The following ALDH1L1 variants were observed in gnomAD, a reference collection of about 807,000 sequenced individuals.
ALDH1L1 encodes the protein aldehyde dehydrogenase 1 family member L1, also known as cytosolic 10-formyltetrahydrofolate dehydrogenase.
ALDH1L1 carries 68 observed loss-of-function variants against 101.1 expected under a neutral mutation model. That is an observed-to-expected ratio of 0.67 (90% CI 0.55 to 0.82). The LOEUF is 0.82. ALDH1L1 is among the 40% of genes least tolerant of loss of function. The pLI is 0.00. For synonymous variants in ALDH1L1, 486 were observed against 470.8 expected, an observed-to-expected ratio of 1.03 and a Z score of -0.42; for missense variants, 1,087 against 1,172.7, an observed-to-expected ratio of 0.93 and a Z score of 1.07.
chr3:126,172,945 G>T (rs755255275), intron 1 of ALDH1L1, among the ~76,000 whole-genome samples: 11 of 151,758 alleles, frequency 7.2e-5, no homozygotes, highest in Admixed American at 3.3e-4. Context: ...AGAATAGAAA[G>T]AATTATTTAA....
At chr3:126,157,289 G>T in intron 4 of ALDH1L1, 54 bp downstream of exon 4, 1 of 1,569,376 alleles carries the variant, frequency 6.4e-7, no homozygotes, top group Non-Finnish European at 8.7e-7. Context: ...GTCTAGGGAG[G>T]ATGCTTGAGG....
At chr3:126,122,701 C>A (rs2080102111) in intron 16 of ALDH1L1, among the ~76,000 whole-genome samples, 1 of 152,108 alleles carries the variant, frequency 6.6e-6, no homozygotes, top group Non-Finnish European at 1.5e-5. Flanking sequence ...ACAGACCTAT[C>A]CAGAAGTAAC....
chr3:126,117,250 A>C (rs1290366109), intron 17 of ALDH1L1, among the ~76,000 whole-genome samples: 10 of 151,994 alleles, frequency 6.6e-5, no homozygotes, highest in Admixed American at 4.6e-4. Flanking sequence ...AAAAAAAAAA[A>C]AAACCTGAAA....
At chr3:126,104,048 T>TACAAAGC (rs1325988058) in intron 22 of ALDH1L1, 1 of 605,672 alleles carries the variant, frequency 1.7e-6, no homozygotes, top group African/African-American at 1.9e-5. Flanking sequence ...CTCCCCAGAA[T>TACAAAGC]ACAAAGCCAA....
chr3:126,185,748 G>A (rs191423699), upstream of ALDH1L1, among the ~76,000 whole-genome samples: 2 of 152,218 alleles, frequency 1.3e-5, no homozygotes, highest in East Asian at 3.9e-4. Context: ...GATTTCATAG[G>A]CCAGGGCAAT....
intron 3 of ALDH1L1, among the ~76,000 whole-genome samples, chr3:126,158,060 T>A (rs1576471756): frequency 6.6e-6 from 1 of 152,040 alleles, no homozygotes; most frequent in South Asian, 2.1e-4. Context: ...CCGCCTGGGG[T>A]GGCACCCTGG....
upstream of ALDH1L1, chr3:126,180,741 T>C (rs2108347220): frequency 7.0e-7 from 1 of 1,419,432 alleles, no homozygotes; most frequent in Admixed American, 2.8e-5. Flanking sequence ...ATAAATGCCA[T>C]GTAAAAGCCA....
rs186535120 is a variant in ALDH1L1 at position 126,164,663 on chromosome 3, T to C, written c.-23-3661A>G. Among the ~76,000 whole-genome samples the C allele has an allele frequency of 1.9e-3, 291 of 152,380 alleles. 1 individual carries two copies. Among genetic ancestry groups the C allele is most frequent in the Middle Eastern group, 3.4e-3 (1 of 294 alleles). ...GATTCCCTGTCACTGCTGTTGTGAA[T>C]AGTCCAACGACGAACATACAAGCGC... On this transcript the variant is annotated intron_variant, in intron 1 of 22. Transcript: ENST00000393434.
intron 16 of ALDH1L1, among the ~76,000 whole-genome samples, chr3:126,121,320 C>T (rs1160721212): frequency 6.6e-6 from 1 of 152,152 alleles, no homozygotes; most frequent in Non-Finnish European, 1.5e-5. Context: ...TTGGTGACAG[C>T]AGCCCTGGCA....
chr3:126,188,284 C>T (rs1371624405), intron 1 of ALDH1L1, among the ~76,000 whole-genome samples: 1 of 152,186 alleles, frequency 6.6e-6, no homozygotes, highest in Non-Finnish European at 1.5e-5. Context: ...ATCAAAAATA[C>T]AGCATTTGTG....
chr3:126,182,463 A>G (rs538193643), upstream of ALDH1L1, among the ~76,000 whole-genome samples: 4 of 152,222 alleles, frequency 2.6e-5, no homozygotes, highest in African/African-American at 9.6e-5. Context: ...TTCAACTGCA[A>G]TTTTATCACT....
chr3:126,167,712 T>C (rs2108317593), intron 1 of ALDH1L1, among the ~76,000 whole-genome samples: 1 of 152,218 alleles, frequency 6.6e-6, no homozygotes, highest in South Asian at 2.1e-4. Flanking sequence ...GCCAGCACTT[T>C]TAAAACTAGT....
At chr3:126,180,398 C>A in intron 1 of ALDH1L1, 78 bp downstream of exon 1, 1 of 971,914 alleles carries the variant, frequency 1.0e-6, no homozygotes, top group Non-Finnish European at 1.2e-6. Flanking sequence ...CCTGGAGCCC[C>A]CGGAGCCCCC....
rs748885316 is a variant in ALDH1L1 at position 126,158,397 on chromosome 3, C to T, written c.362+8G>A. The T allele has an allele frequency of 1.3e-6, 2 of 1,569,714 alleles. No individual in the cohort carries two copies. The highest frequency in any genetic ancestry group is 2.3e-5 in the East Asian group (1 of 43,052). ...GGGATGGCCCCCTGTGTTTTTGCCCCATCTCACCAGTTGATGGCCGAGGCC... is the reference window on the plus strand; with the variant it reads ...GGGATGGCCCCCTGTGTTTTTGCCCTATCTCACCAGTTGATGGCCGAGGCC... On this transcript the variant is annotated splice_region_variant and intron_variant, in intron 3 of 22. Transcript: ENST00000393434.
intron 9 of ALDH1L1, among the ~76,000 whole-genome samples, chr3:126,145,404 T>C (rs781538753): frequency 2.0e-5 from 3 of 152,216 alleles, no homozygotes; most frequent in Non-Finnish European, 4.4e-5. Flanking sequence ...CACTTCCACA[T>C]TGATTCACAA....
At chr3:126,155,604 GACTT>G in intron 4 of ALDH1L1, 101 bp from the exon 5 acceptor site, 3 of 989,994 alleles carry the variant, frequency 3.0e-6, no homozygotes, top group Non-Finnish European at 4.3e-6. Flanking sequence ...AGACTGACCA[GACTT>G]GCCTGGTACA....
intron 9 of ALDH1L1, among the ~76,000 whole-genome samples, chr3:126,140,193 T>G (rs949088290): frequency 6.6e-6 from 1 of 152,148 alleles, no homozygotes; most frequent in Non-Finnish European, 1.5e-5. Context: ...CAATGGGTCT[T>G]TGATAAGATT....
chr3:126,103,678 G>T lies in ALDH1L1; in HGVS notation c.*113C>A. On this transcript the variant is annotated 3_prime_UTR_variant, in exon 23 of 23. Coordinates refer to ENST00000393434, the MANE Select transcript of ALDH1L1 (RefSeq NM_012190.4). ...AAGATGCAGACATGGTGTGCAGGCA[G>T]GAGGGCTTCCACTAGCCCCCCAGGT... The T allele has an allele frequency of 8.8e-7, 1 of 1,135,560 alleles. No individual in the cohort carries two copies. The highest frequency in any genetic ancestry group is 1.3e-6 in the Non-Finnish European group (1 of 778,610). 70.3% of individuals were successfully genotyped at this position (1,135,560 alleles called of 1,614,324 possible). A position where few individuals can be genotyped will look rare whatever the true frequency, so the allele number is the denominator to read the frequency against.
At chr3:126,151,812 G>T in intron 7 of ALDH1L1, 1 of 159,782 alleles carries the variant, frequency 6.3e-6, no homozygotes. Flanking sequence ...TCAACCCAGG[G>T]TCTTCTGGGT....
Sources: allele counts gnomAD v4.1 joint callset (sites outside exome capture counted in the v4.1 genomes callset), GRCh38; gene constraint gnomAD v4.1.1; transcripts MANE v1.5; gene names NCBI Gene and HGNC (gene_info 2026-07-23, HGNC 2026-07-21).